FBXL20: variants seen among roughly 807,000 people sequenced by gnomAD.
The protein encoded by FBXL20 is F-box and leucine rich repeat protein 20, also known as F-box/LRR-repeat protein 20.
In FBXL20, 11 loss-of-function variants were observed where a neutral mutation model predicts 64.0. That is an observed-to-expected ratio of 0.17 (90% CI 0.11 to 0.28). FBXL20 has a LOEUF of 0.28. FBXL20 is among the 10% of genes least tolerant of loss of function. The pLI, the probability that FBXL20 is intolerant of heterozygous loss-of-function variation, is 1.00. For synonymous variants in FBXL20, 184 were observed against 189.0 expected (o/e 0.97, Z 0.22); for missense variants, 303 against 526.2 (o/e 0.58, Z 4.15).
At chr17:39,341,501 G>A (rs891900841) in intron 2 of FBXL20, among the ~76,000 whole-genome samples, 4 of 152,294 alleles carry the variant, frequency 2.6e-5, no homozygotes, top group South Asian at 2.1e-4. Context: ...ACTCTACACT[G>A]TAGTCAATGT....
chr17:39,318,533 G>C (rs1246958012), intron 2 of FBXL20, among the ~76,000 whole-genome samples: 1 of 152,104 alleles, frequency 6.6e-6, no homozygotes, highest in East Asian at 1.9e-4. Context: ...CTGAGATCGA[G>C]AGTTCGAGAC....
chr17:39,279,253 C>CT (rs2046927102), intron 9 of FBXL20, among the ~76,000 whole-genome samples: 1 of 152,154 alleles, frequency 6.6e-6, no homozygotes, highest in Non-Finnish European at 1.5e-5. Flanking sequence ...AATCCCAGCA[C>CT]TTTGCGAGGC....
intron 1 of FBXL20, among the ~76,000 whole-genome samples, chr17:39,383,138 G>T (rs976317295): frequency 1.5e-4 from 22 of 148,266 alleles, no homozygotes; most frequent in African/African-American, 5.5e-4. Context: ...ACTCCAGCCT[G>T]GCAACAGAGT....
At chr17:39,289,707 G>A (rs1200316345) in intron 6 of FBXL20, among the ~76,000 whole-genome samples, 4 of 149,966 alleles carry the variant, frequency 2.7e-5, no homozygotes, top group Non-Finnish European at 4.4e-5. Flanking sequence ...AAATCTATAT[G>A]TATGAGGCCA....
intron 1 of FBXL20, among the ~76,000 whole-genome samples, chr17:39,368,345 T>C (rs1192638753): frequency 6.6e-6 from 1 of 151,964 alleles, no homozygotes; most frequent in East Asian, 1.9e-4. Context: ...TGAACTATGA[T>C]CACACCACTG....
At chr17:39,295,703 C>G (rs2144428878) in intron 6 of FBXL20, among the ~76,000 whole-genome samples, 1 of 151,544 alleles carries the variant, frequency 6.6e-6, no homozygotes, top group East Asian at 1.9e-4. Flanking sequence ...TGTTTTCTCA[C>G]TTCCCCATAT....
chr17:39,354,989 T>C (rs758577727), intron 1 of FBXL20, among the ~76,000 whole-genome samples: 6 of 152,244 alleles, frequency 3.9e-5, no homozygotes, highest in Non-Finnish European at 5.9e-5. Context: ...TAGAGTGCAA[T>C]GGCACAATCT....
At chr17:39,402,290 GCCGCCGCCTCCC>G, upstream of FBXL20, 1 of 1,098,234 alleles carries the variant, frequency 9.1e-7, no homozygotes, top group Non-Finnish European at 1.2e-6. Context: ...GGTTGCCGCC[GCCGCCGCCTCCC>G]CCGCCTCCCC....
chr17:39,269,512 T>C (rs1177017395), intron 11 of FBXL20, among the ~76,000 whole-genome samples: 1 of 144,256 alleles, frequency 6.9e-6, no homozygotes, highest in Non-Finnish European at 1.5e-5. Context: ...TTTTTTTTTT[T>C]TTTTTGAGAC....
At chr17:39,331,857 AG>A (rs1279615830) in intron 2 of FBXL20, among the ~76,000 whole-genome samples, 4 of 152,200 alleles carry the variant, frequency 2.6e-5, no homozygotes, top group Non-Finnish European at 5.9e-5. Flanking sequence ...TTCTATTACC[AG>A]TTTTTGTATT....
Position 39,263,255 on chromosome 17 carries a change from C to T in FBXL20, c.1203+920G>A, listed in dbSNP as rs2046763431. On this transcript the variant is annotated intron_variant, in intron 14 of 14. Transcript: ENST00000264658. ...TAAGGCCGGGCATGGTGGCTCACAC[C>T]TATAATCCCAGCACTTCTGAAGGCC... Among the ~76,000 whole-genome samples the T allele has an allele frequency of 2.0e-5, 3 of 152,170 alleles. No homozygotes were observed. The South Asian group carries it at 6.2e-4, about 31-fold the overall frequency.
At chr17:39,345,676 G>A (rs985291303) in intron 1 of FBXL20, among the ~76,000 whole-genome samples, 85 of 152,062 alleles carry the variant, frequency 5.6e-4, no homozygotes, top group Admixed American at 1.3e-3. Context: ...GAGTAGCTGG[G>A]ATTATGGGCG....
intron 6 of FBXL20, among the ~76,000 whole-genome samples, chr17:39,294,138 A>G (rs2047064317): frequency 6.6e-6 from 1 of 150,832 alleles, no homozygotes; most frequent in Non-Finnish European, 1.5e-5. Context: ...GGAGAAGTCT[A>G]CTTGGATTTT....
intron 1 of FBXL20, among the ~76,000 whole-genome samples, chr17:39,348,590 T>C (rs2144584583): frequency 6.6e-6 from 1 of 152,294 alleles, no homozygotes; most frequent in Admixed American, 6.5e-5. Context: ...CTGTGCCCAG[T>C]CAGGTTCTTC....
intron 1 of FBXL20, among the ~76,000 whole-genome samples, chr17:39,360,630 G>A (rs1307911446): frequency 6.6e-6 from 1 of 152,120 alleles, no homozygotes; most frequent in Admixed American, 6.6e-5. Context: ...TGACTTTCAT[G>A]ATCTTTTCAC....
chr17:39,313,890 C>T (rs928136390), intron 2 of FBXL20, among the ~76,000 whole-genome samples: 1 of 152,214 alleles, frequency 6.6e-6, no homozygotes, highest in African/African-American at 2.4e-5. Context: ...CCACCTTGGC[C>T]TCTCAAAGTG....
rs562603909 is a variant in FBXL20, at chr17:39,302,721, G to A, written c.159+864C>T. 7.2e-5 allele frequency among the ~76,000 whole-genome samples: 11 copies of A among 152,068 alleles called. No homozygotes were observed. In the South Asian group the frequency reaches 2.3e-3, roughly 32 times the overall value. On this transcript the variant is annotated intron_variant, in intron 3 of 14. Coordinates refer to ENST00000264658, the MANE Select transcript of FBXL20 (RefSeq NM_032875.3). ...AGATAGGGCTCCCTATGTTGCCCAG[G>A]TTAGTCTTGAACTCCTGGCCTCAAG...
intron 10 of FBXL20, among the ~76,000 whole-genome samples, chr17:39,273,812 T>C (rs540250561): frequency 6.7e-5 from 8 of 119,044 alleles, no homozygotes; most frequent in African/African-American, 2.1e-4. Context: ...AGAGCAAGAC[T>C]CTGTTTCAGA....
chr17:39,401,506 GA>G lies in FBXL20; in HGVS notation c.-105del. The G allele has an allele frequency of 6.7e-7, 1 of 1,495,396 alleles. No homozygotes were observed. Among genetic ancestry groups the G allele is most frequent in the Non-Finnish European group, 8.8e-7 (1 of 1,130,008 alleles). 92.6% of individuals were successfully genotyped at this position (1,495,396 alleles called of 1,614,324 possible). On this transcript the variant is annotated 5_prime_UTR_variant, in exon 1 of 15. Coordinates refer to ENST00000264658, the MANE Select transcript of FBXL20 (RefSeq NM_032875.3). ...GTTCCGGGACGGGGACTGGGCGCCGGAGGGGTGACGCCGGGACCGTGGGACG... is the reference window on the plus strand; with the variant it reads ...GTTCCGGGACGGGGACTGGGCGCCGGGGGGTGACGCCGGGACCGTGGGACG...
Sources: gnomAD v4.1 joint callset for allele counts (sites outside exome capture counted in the v4.1 genomes callset) on GRCh38, gnomAD v4.1.1 for gene constraint, MANE v1.5 for transcripts, NCBI Gene and HGNC (gene_info 2026-07-23, HGNC 2026-07-21) for gene names.